Variants in POM121 observed in about 807,000 individuals in gnomAD.
The protein encoded by POM121 is nuclear envelope pore membrane protein POM 121.
A neutral mutation model predicts 81.3 loss-of-function variants in POM121; 32 were observed. The observed-to-expected ratio is 0.39, with a 90% CI of 0.30 to 0.53. The LOEUF (loss-of-function observed/expected upper bound fraction) is 0.53, where lower values mean the gene tolerates loss of function less well. Among genes scored for constraint, POM121 ranks in the 20% least tolerant of loss-of-function variants. The pLI is 0.66. For missense variants in POM121, 1,138 were observed against 1,614.6 expected, an observed-to-expected ratio of 0.70 and a Z score of 5.06; for synonymous variants, 514 against 694.2, an observed-to-expected ratio of 0.74 and a Z score of 4.08.
downstream of POM121, chr7:72,948,727 G>A (rs548103677): frequency 6.4e-6 from 10 of 1,553,976 alleles, no homozygotes; most frequent in African/African-American, 6.9e-5. Context: ...GCGTGGTCTT[G>A]GGGGAAGCCC....
At chr7:72,948,333 A>G (rs1216279084), downstream of POM121, 3 of 1,607,404 alleles carry the variant, frequency 1.9e-6, no homozygotes, top group African/African-American at 1.3e-5. Context: ...TGCAGGCAAC[A>G]CTTTTGCTCA....
At chr7:72,910,524 G>GGTT (rs1554494104) in intron 3 of POM121, among the ~76,000 whole-genome samples, 1 of 152,044 alleles carries the variant, frequency 6.6e-6, no homozygotes, top group Non-Finnish European at 1.5e-5. Flanking sequence ...TCAGTCTTGT[G>GGTT]CAGGTTGTGG....
intron 3 of POM121, among the ~76,000 whole-genome samples, chr7:72,901,923 G>C (rs1792686133): frequency 6.6e-6 from 1 of 151,740 alleles, no homozygotes; most frequent in African/African-American, 2.4e-5. Flanking sequence ...GACCAGCCTG[G>C]CCAACATGGT....
intron 3 of POM121, among the ~76,000 whole-genome samples, chr7:72,908,309 T>C (rs1191516946): frequency 1.3e-5 from 2 of 152,184 alleles, no homozygotes; most frequent in African/African-American, 4.8e-5. Flanking sequence ...GGTTCCGTGA[T>C]GCCCCCAAAG....
intron 11 of POM121, among the ~76,000 whole-genome samples, chr7:72,944,327 G>C (rs1308785470): frequency 6.6e-6 from 1 of 152,080 alleles, no homozygotes; most frequent in East Asian, 1.9e-4. Flanking sequence ...CTCCCATGTG[G>C]AAGATGAATG....
At chr7:72,916,425 C>T (rs1554495089) in intron 4 of POM121, among the ~76,000 whole-genome samples, 1 of 152,138 alleles carries the variant, frequency 6.6e-6, no homozygotes, top group Non-Finnish European at 1.5e-5. Context: ...AATAGAGAAT[C>T]CTTACCCCAT....
Position 72,926,919 on chromosome 7 carries a change from G to C in POM121, c.978G>C (p.Glu326Asp). The change falls in exon 3 of 13, where the codon GAG becomes GAC. Residue 326 changes from glutamate (E) to aspartate (D), a missense_variant. Physicochemically the swap from Glu to Asp is conservative, Grantham distance 45 (BLOSUM62 2). Around this residue, in one of 7 missense-constraint regions of POM121, gnomAD observed 646 missense variants for 633.5 expected, o/e 1.02. Coordinates refer to ENST00000434423, the MANE Select transcript of POM121 (RefSeq NM_001387691.1). ...LKEKEKKRTV[E>D]EEDQIFLDGQ... ...AGAAGGAGAAGAAAAGGACAGTGGAGGAAGAAGACCAAATATTCCTTGATG... is the reference window on the plus strand; with the variant it reads ...AGAAGGAGAAGAAAAGGACAGTGGACGAAGAAGACCAAATATTCCTTGATG... 6.2e-7 allele frequency: 1 copy of C among 1,613,990 alleles called. No individual in the cohort carries two copies. The highest frequency in any genetic ancestry group is 8.5e-7 in the Non-Finnish European group (1 of 1,179,876).
At chr7:72,919,123 C>G (rs1794567292) in intron 4 of POM121, among the ~76,000 whole-genome samples, 1 of 151,278 alleles carries the variant, frequency 6.6e-6, no homozygotes, top group Non-Finnish European at 1.5e-5. Context: ...TCAGTCTGAT[C>G]TAGAACTCCT....
intron 3 of POM121, among the ~76,000 whole-genome samples, chr7:72,899,175 G>C (rs1343824643): frequency 6.6e-6 from 1 of 151,802 alleles, no homozygotes; most frequent in Admixed American, 6.6e-5. Context: ...AGTAGAGATG[G>C]GGTTTCATCA....
At chr7:72,892,585 A>G (rs571899741) in intron 3 of POM121, among the ~76,000 whole-genome samples, 48 of 152,244 alleles carry the variant, frequency 3.2e-4, no homozygotes, top group African/African-American at 1.1e-3. Flanking sequence ...CTTCATCTGC[A>G]TTTCACTTGC....
At chr7:72,905,789 G>A (rs1219615904) in intron 3 of POM121, among the ~76,000 whole-genome samples, 2 of 152,228 alleles carry the variant, frequency 1.3e-5, no homozygotes, top group African/African-American at 2.4e-5. Context: ...ATTGCTGTGT[G>A]AAGTCTCCTG....
In POM121 at chr7:72,925,459, C is replaced by G; in HGVS notation, c.338C>G (p.Ser113Trp). The change falls in exon 1 of 13, where the codon TCG (serine) becomes TGG (tryptophan). Residue 113 changes from serine (S) to tryptophan (W), a missense_variant. Coordinates refer to ENST00000434423, the MANE Select transcript of POM121 (RefSeq NM_001387691.1). ...RTLFASPLAK[S>W]TANGNLLEPR... ...CTGTTCGCTTCGCCTCTGGCCAAGTCGACAGCCAACGGAAACCTCCTAGAG... is the reference window on the plus strand; with the variant it reads ...CTGTTCGCTTCGCCTCTGGCCAAGTGGACAGCCAACGGAAACCTCCTAGAG... The G allele has an allele frequency of 6.5e-7, 1 of 1,533,786 alleles. No homozygotes were observed. The highest frequency in any genetic ancestry group is 1.4e-5 in the African/African-American group (1 of 73,056).
At chr7:72,949,185 A>G (rs1242173507), downstream of POM121, 28 of 1,222,970 alleles carry the variant, frequency 2.3e-5, no homozygotes, top group Middle Eastern at 3.8e-4. Flanking sequence ...CTCGCTTCAC[A>G]GAGGAGAACT....
At position 72,928,571 on chromosome 7, in the gene POM121, G is replaced by T. The variant is rs564739196; in HGVS notation, c.1103+106G>T. Reference sequence around the variant, plus strand: ...CTTTGTTTTTTGCATTGCTTAATTGGTTCAGGTTCACGTCTTTGAAATTAG... The same window carrying T: ...CTTTGTTTTTTGCATTGCTTAATTGTTTCAGGTTCACGTCTTTGAAATTAG... On this transcript the variant is annotated intron_variant, in intron 4 of 12. Coordinates refer to ENST00000434423, the MANE Select transcript of POM121 (RefSeq NM_001387691.1). 1,252 of 1,358,330 alleles carry T rather than the reference G, an allele frequency of 9.2e-4. 1 individual carries two copies. The highest frequency in any genetic ancestry group is 3.0e-3 in the Middle Eastern group (16 of 5,308). The allele number at this position is 1,358,330 out of a possible 1,614,324, so 84.1% of individuals were successfully genotyped here. A position where few individuals can be genotyped will look rare whatever the true frequency, so the allele number is the denominator to read the frequency against.
chr7:72,934,332 G>A (rs562533357), intron 5 of POM121, among the ~76,000 whole-genome samples: 13 of 152,250 alleles, frequency 8.5e-5, no homozygotes, highest in South Asian at 4.1e-4. Context: ...TGATCCGTCC[G>A]CCTTGGCCTC....
chr7:72,891,725 C>T (rs3789824), intron 3 of POM121, among the ~76,000 whole-genome samples: 141,218 of 152,280 alleles, frequency 0.93, 65,610 homozygotes, highest in African/African-American at 0.98. Flanking sequence ...TTGTTTCATT[C>T]TGGGGCATTC....
At chr7:72,894,833 A>G (rs1475549934) in intron 3 of POM121, among the ~76,000 whole-genome samples, 3 of 151,776 alleles carry the variant, frequency 2.0e-5, no homozygotes, top group African/African-American at 7.3e-5. Context: ...GCTAATTTTA[A>G]AAGTTTTAGG....
upstream of POM121, chr7:72,924,987 GT>G: frequency 7.6e-7 from 1 of 1,319,684 alleles, no homozygotes; most frequent in South Asian, 2.1e-5. Flanking sequence ...TTCCAAACCA[GT>G]TGGGTCTCGG....
downstream of POM121, chr7:72,950,483 T>G: frequency 2.5e-6 from 1 of 405,862 alleles, no homozygotes; most frequent in Non-Finnish European, 4.5e-6. Context: ...TGAGCCAATA[T>G]ATCCAAGATA....
Sources: allele counts gnomAD v4.1 joint callset (sites outside exome capture counted in the v4.1 genomes callset), GRCh38; gene constraint gnomAD v4.1.1; regional missense constraint gnomAD v4.1.1; transcripts MANE v1.5; gene names NCBI Gene and HGNC (gene_info 2026-07-23, HGNC 2026-07-21).